The following ESRP1 variants were observed in gnomAD, a reference collection of about 807,000 sequenced individuals.
ESRP1 encodes epithelial splicing regulatory protein 1.
In ESRP1, 33 loss-of-function variants were observed where a neutral mutation model predicts 81.7. The observed-to-expected ratio is 0.40, with a 90% CI of 0.31 to 0.54. ESRP1 has a LOEUF of 0.54. Among genes scored for constraint, ESRP1 ranks in the 20% least tolerant of loss-of-function variants. The probability of loss-of-function intolerance (pLI) is 0.41; values close to 1 mark genes in which losing one functional copy is unlikely to be tolerated. For missense variants in ESRP1, 672 were observed against 833.1 expected, an observed-to-expected ratio of 0.81 and a Z score of 2.38; for synonymous variants, 320 against 303.3, an observed-to-expected ratio of 1.06 and a Z score of -0.57.
intron 12 of ESRP1, among the ~76,000 whole-genome samples, chr8:94,677,147 T>C (rs765376725): frequency 1.3e-5 from 2 of 152,196 alleles, no homozygotes; most frequent in Non-Finnish European, 1.5e-5. Flanking sequence ...TAGTCTTTTT[T>C]CTATACGCCC....
At chr8:94,687,970 A>C (rs1378463701) in intron 13 of ESRP1, among the ~76,000 whole-genome samples, 1 of 152,138 alleles carries the variant, frequency 6.6e-6, no homozygotes, top group African/African-American at 2.4e-5. Context: ...CCAGGGTCAC[A>C]AAGATTTACT....
At position 94,678,167 on chromosome 8, in the gene ESRP1, A is replaced by C. The variant is rs780127965; in HGVS notation, c.1652-36A>C. 2.5e-6 allele frequency: 4 copies of C among 1,608,826 alleles called. No homozygotes were observed. In the African/African-American group the frequency reaches 5.3e-5, roughly 21 times the overall value. On this transcript the variant is annotated intron_variant, in intron 12 of 15. Transcript: ENST00000433389. Reference sequence around the variant, plus strand: ...CTAGCACGTGCATGTCAGCTGTTACAAATATGTCTCAAAGAATCTCTCTTT... The same window carrying C: ...CTAGCACGTGCATGTCAGCTGTTACCAATATGTCTCAAAGAATCTCTCTTT...
intron 12 of ESRP1, among the ~76,000 whole-genome samples, chr8:94,676,007 C>T (rs1819568564): frequency 6.6e-6 from 1 of 152,110 alleles, no homozygotes; most frequent in Non-Finnish European, 1.5e-5. Context: ...AACTTACTTT[C>T]TTAAGAAGGA....
At chr8:94,667,542 A>C (rs2130625878) in intron 9 of ESRP1, among the ~76,000 whole-genome samples, 1 of 152,282 alleles carries the variant, frequency 6.6e-6, no homozygotes, top group African/African-American at 2.4e-5. Context: ...CTATTACCCT[A>C]CTTAATTTTC....
intron 13 of ESRP1, among the ~76,000 whole-genome samples, chr8:94,679,924 T>G (rs1203339859): frequency 6.6e-6 from 1 of 152,220 alleles, no homozygotes; most frequent in African/African-American, 2.4e-5. Context: ...TTCTTGTAAA[T>G]TCCTCAAAAT....
chr8:94,643,728 G>A (rs956686356), intron 3 of ESRP1, among the ~76,000 whole-genome samples: 2 of 126,196 alleles, frequency 1.6e-5, no homozygotes, highest in Middle Eastern at 3.5e-3. Flanking sequence ...CTTTGTTTAC[G>A]TCCAATTTTC....
At chr8:94,654,413 G>A (rs1818300897) in intron 4 of ESRP1, among the ~76,000 whole-genome samples, 1 of 152,086 alleles carries the variant, frequency 6.6e-6, no homozygotes, top group Admixed American at 6.6e-5. Context: ...TTACCAAGGA[G>A]TCTCCTTTTC....
chr8:94,653,590 T>G (rs543933040), intron 4 of ESRP1, among the ~76,000 whole-genome samples: 1 of 152,346 alleles, frequency 6.6e-6, no homozygotes, highest in Admixed American at 6.5e-5. Flanking sequence ...TAAACCATTT[T>G]ACACATATAA....
chr8:94,678,992 A>G (rs962943912), intron 13 of ESRP1, among the ~76,000 whole-genome samples: 1 of 152,192 alleles, frequency 6.6e-6, no homozygotes, highest in African/African-American at 2.4e-5. Flanking sequence ...GTTTCTTTCC[A>G]AGCTATTTAG....
chr8:94,648,140 C>T (rs1308877052), intron 4 of ESRP1, among the ~76,000 whole-genome samples: 1 of 152,154 alleles, frequency 6.6e-6, no homozygotes, highest in Admixed American at 6.6e-5. Flanking sequence ...GACTGTAGTC[C>T]TAGCTACTTA....
In ESRP1 at chr8:94,668,201, G is replaced by A; in HGVS notation, c.1184G>A (p.Gly395Asp). 6.2e-7 allele frequency: 1 copy of A among 1,612,418 alleles called. No homozygotes were observed. Among genetic ancestry groups the A allele is most frequent in the Non-Finnish European group, 8.5e-7 (1 of 1,178,920 alleles). ...TTGAGGAAGCATAAAGACTTGTTGG[G>A]TAAAAGATACATTGAACTCTTCAGG... The part of the protein sequence containing the change: ...NALRKHKDLL[G>D]KRYIELFRST... Residue 395 changes from glycine to aspartate, a missense_variant, in exon 10 of 16, where the codon GGT becomes GAT. Physicochemically the swap from Gly to Asp is moderately conservative, Grantham distance 94. Coordinates refer to ENST00000433389, the MANE Select transcript of ESRP1 (RefSeq NM_017697.4).
chr8:94,655,388 CT>C (rs35393650), intron 4 of ESRP1, among the ~76,000 whole-genome samples: 1,412 of 139,260 alleles, frequency 0.01, 14 homozygotes, highest in Middle Eastern at 0.015. Flanking sequence ...CACTTGGCAT[CT>C]TTTTTTTTTT....
At position 94,665,045 on chromosome 8, in the gene ESRP1, A is replaced by T; in HGVS notation, c.874A>T (p.Thr292Ser). 1 of 1,612,534 alleles carries T rather than the reference A, an allele frequency of 6.2e-7. No individual in the cohort carries two copies. The highest frequency in any genetic ancestry group is 8.5e-7 in the Non-Finnish European group (1 of 1,178,832). Residue 292 changes from threonine (T) to serine (S), a missense_variant, in exon 8 of 16, where the codon ACC becomes TCC. Physicochemically the swap from Thr to Ser is moderately conservative, Grantham distance 58. Coordinates refer to ENST00000433389, the MANE Select transcript of ESRP1 (RefSeq NM_017697.4). ...ALQRHKHHMG[T>S]RYIEVYKATG... Reference sequence around the variant, plus strand: ...ACAGAGGCACAAACATCACATGGGGACCCGGTATATTGAGGTATGTCCTCA... The same window carrying T: ...ACAGAGGCACAAACATCACATGGGGTCCCGGTATATTGAGGTATGTCCTCA...
At position 94,685,068 on chromosome 8, in the gene ESRP1, ATTGT is replaced by A; in HGVS notation, c.1820+6698_1820+6701del. ...ATATCTATATATGGCAAATCCTCAA[ATTGT>A]GAATGTTATCAATACTCTCATACTT... On this transcript the variant is annotated intron_variant, in intron 13 of 15. Coordinates refer to ENST00000433389, the MANE Select transcript of ESRP1 (RefSeq NM_017697.4). 2.0e-5 allele frequency among the ~76,000 whole-genome samples: 3 copies of A among 151,840 alleles called. No homozygotes were observed. The East Asian group carries it at 5.8e-4, about 29-fold the overall frequency.
At chr8:94,643,606 AAT>A in intron 3 of ESRP1, among the ~76,000 whole-genome samples, 190 bp downstream of exon 3, 1 of 152,366 alleles carries the variant, frequency 6.6e-6, no homozygotes. Flanking sequence ...ATGGTTGCAA[AAT>A]ATGTTAATGT....
At chr8:94,647,793 T>C (rs1235697991) in intron 4 of ESRP1, among the ~76,000 whole-genome samples, 4 of 152,122 alleles carry the variant, frequency 2.6e-5, no homozygotes, top group Non-Finnish European at 5.9e-5. Context: ...GAGTACCTAC[T>C]GAAAAATTAG....
intron 9 of ESRP1, among the ~76,000 whole-genome samples, chr8:94,666,202 A>G (rs1819008086): frequency 6.6e-6 from 1 of 152,220 alleles, no homozygotes; most frequent in Non-Finnish European, 1.5e-5. Context: ...GCTACATAGT[A>G]TTATATGTAC....
intron 13 of ESRP1, among the ~76,000 whole-genome samples, chr8:94,683,320 A>G (rs1809000495): frequency 1.3e-5 from 2 of 152,272 alleles, no homozygotes; most frequent in Admixed American, 1.3e-4. Context: ...ACTGTGTTCT[A>G]TCCTGGAATT....
chr8:94,705,613 A>G (rs1810037974), intron 15 of ESRP1: 1 of 244,580 alleles, frequency 4.1e-6, no homozygotes, highest in Admixed American at 5.2e-5. Context: ...CTCTCCAGAA[A>G]GGAGCTGAGC....
Sources: allele counts gnomAD v4.1 joint callset (sites outside exome capture counted in the v4.1 genomes callset), GRCh38; gene constraint gnomAD v4.1.1; transcripts MANE v1.5; gene names NCBI Gene and HGNC (gene_info 2026-07-23, HGNC 2026-07-21).